Variants in DSG4 observed in about 807,000 individuals in gnomAD.
DSG4 encodes desmoglein 4.
Under a neutral mutation model 93.1 loss-of-function variants are expected in DSG4, and 87 were observed. The observed-to-expected ratio is 0.93, with a 90% CI of 0.79 to 1.12. DSG4 has a LOEUF of 1.12. Among genes scored for constraint, DSG4 ranks in the 50% most tolerant of loss-of-function variants. DSG4 has a pLI of 0.00. For synonymous variants in DSG4, 432 were observed against 452.9 expected (o/e 0.95, Z 0.59); for missense variants, 1,373 against 1,285.7 (o/e 1.07, Z -1.04).
intron 8 of DSG4, among the ~76,000 whole-genome samples, chr18:31,396,111 C>A (rs866114644): frequency 6.6e-6 from 1 of 151,300 alleles, no homozygotes; most frequent in Non-Finnish European, 1.5e-5. Flanking sequence ...AAAACGCAAG[C>A]AATAAAAAAG....
Position 31,413,593 on chromosome 18 carries a change from TA to T in DSG4, c.3123del (p.Ter1041=). On this transcript the variant is annotated frameshift_variant and stop_lost, in exon 16 of 16. Coordinates refer to ENST00000308128, the MANE Select transcript of DSG4 (RefSeq NM_177986.5). LOFTEE classifies it high-confidence loss of function. ...CAGTAACATACATTACACCCAACAG[TA>T]AGTGCTTTATGGTCAGTATTCTATG... ...RYSNIHYTQQ[*>X] 8 of 1,613,070 alleles carry T rather than the reference TA, an allele frequency of 5.0e-6. No homozygotes were observed. Among genetic ancestry groups the T allele is most frequent in the Non-Finnish European group, 6.8e-6 (8 of 1,179,996 alleles).
At chr18:31,403,305 C>CCAA in intron 10 of DSG4, 111 bp from the exon 11 acceptor site, 1 of 932,480 alleles carries the variant, frequency 1.1e-6, no homozygotes, top group Non-Finnish European at 1.7e-6. Context: ...GTCAAGCCTC[C>CCAA]CAAGTCACGT....
At chr18:31,396,828 C>T (rs1568066741) in intron 8 of DSG4, among the ~76,000 whole-genome samples, 1 of 152,212 alleles carries the variant, frequency 6.6e-6, no homozygotes, top group South Asian at 2.1e-4. Flanking sequence ...CCAGTAAAAC[C>T]GATTTTAGGA....
intron 1 of DSG4, chr18:31,382,242 T>A (rs2072143347): frequency 6.6e-6 from 1 of 152,238 alleles, no homozygotes; most frequent in Non-Finnish European, 1.5e-5. Flanking sequence ...GTGTGTCTTT[T>A]ACTCGGGGCC....
intron 14 of DSG4, among the ~76,000 whole-genome samples, chr18:31,410,892 G>A (rs2072479996): frequency 6.6e-6 from 1 of 152,196 alleles, no homozygotes; most frequent in Admixed American, 6.5e-5. Context: ...TTGCTTTGGA[G>A]GGCTCCCGGC....
chr18:31,414,151 A>G lies in DSG4; in HGVS notation c.*556A>G, dbSNP rs1339559392. 1.3e-5 allele frequency: 2 copies of G among 152,352 alleles called. No individual in the cohort carries two copies. The highest frequency in any genetic ancestry group is 6.5e-5 in the Admixed American group (1 of 15,300). 9.4% of individuals were successfully genotyped at this position (152,352 alleles called of 1,614,324 possible). ...TTTCAATATTATGCGCTATTAAGCA[A>G]TAGGAGATGCTTAATATAATAAGAA... On this transcript the variant is annotated 3_prime_UTR_variant, in exon 16 of 16. Transcript: ENST00000308128.
intron 11 of DSG4, among the ~76,000 whole-genome samples, chr18:31,404,352 C>G (rs1282567434): frequency 6.6e-6 from 1 of 152,106 alleles, no homozygotes; most frequent in Non-Finnish European, 1.5e-5. Context: ...TGGCTGACAT[C>G]GATAAAAATT....
At chr18:31,382,282 T>C (rs902226054) in intron 1 of DSG4, 4 of 152,226 alleles carry the variant, frequency 2.6e-5, no homozygotes, top group African/African-American at 9.6e-5. Context: ...TGGATGATGC[T>C]TGGCCCACAT....
At chr18:31,380,503 G>C (rs2072122215) in intron 1 of DSG4, among the ~76,000 whole-genome samples, 1 of 152,170 alleles carries the variant, frequency 6.6e-6, no homozygotes, top group South Asian at 2.1e-4. Context: ...GAAACCTTCA[G>C]ACATAACTTG....
In DSG4 at chr18:31,399,347, G is replaced by A. The variant is rs372942507; in HGVS notation, c.1081G>A (p.Val361Ile). ...VKNQADFHYS[V>I]ASQFQMHPTP... ...AAACCAAGCTGATTTTCACTACTCC[G>A]TTGCTTCTCAATTCCAAATGCACCC... is the stretch of plus-strand genomic sequence containing the variant. Residue 361 changes from valine to isoleucine, a missense_variant, in exon 9 of 16, where the codon GTT becomes ATT. Val to Ile is a conservative substitution (Grantham distance 29). Coordinates refer to ENST00000308128, the MANE Select transcript of DSG4 (RefSeq NM_177986.5). 2.2e-5 allele frequency: 35 copies of A among 1,613,904 alleles called. No homozygotes were observed. Among genetic ancestry groups the A allele is most frequent in the South Asian group, 1.2e-4 (11 of 91,086 alleles).
At chr18:31,378,765 A>T (rs1174214933) in intron 1 of DSG4, among the ~76,000 whole-genome samples, 3 of 152,214 alleles carry the variant, frequency 2.0e-5, no homozygotes, top group African/African-American at 7.2e-5. Flanking sequence ...TGGGAGGTAG[A>T]GACTTCTGGC....
chr18:31,397,920 G>A (rs1314523585), intron 8 of DSG4, among the ~76,000 whole-genome samples: 1 of 151,208 alleles, frequency 6.6e-6, no homozygotes, highest in Non-Finnish European at 1.5e-5. Context: ...CCAGCTACTT[G>A]GGAGGCTGAG....
chr18:31,386,726 GCAAA>G lies in DSG4; in HGVS notation c.126_129del (p.Thr43SerfsTer40), dbSNP rs2144169578. ...ACATTGAAAATGGCACTACAAAATG[GCAAA>G]CAGTCAGAAGACAAAAGCGGGAGTG... On this transcript the variant is annotated frameshift_variant, in exon 3 of 16. Coordinates refer to ENST00000308128, the MANE Select transcript of DSG4 (RefSeq NM_177986.5). LOFTEE classifies it high-confidence loss of function. The G allele has an allele frequency of 1.9e-6, 3 of 1,613,338 alleles. 1 individual carries two copies. Among genetic ancestry groups the G allele is most frequent in the Non-Finnish European group, 8.5e-7 (1 of 1,179,462 alleles).
At chr18:31,377,069 A>T in intron 1 of DSG4, 110 bp downstream of exon 1, 1 of 1,208,976 alleles carries the variant, frequency 8.3e-7, no homozygotes, top group East Asian at 2.5e-5. Context: ...TCCTTCCTGC[A>T]AAGAGAGTTC....
intron 1 of DSG4, among the ~76,000 whole-genome samples, chr18:31,384,675 C>T (rs1033561604): frequency 1.3e-5 from 2 of 152,162 alleles, no homozygotes; most frequent in Non-Finnish European, 2.9e-5. Flanking sequence ...TCATACGTTC[C>T]CTTACCTTCC....
chr18:31,402,232 T>C (rs2072375873), intron 10 of DSG4, among the ~76,000 whole-genome samples: 1 of 152,184 alleles, frequency 6.6e-6, no homozygotes, highest in African/African-American at 2.4e-5. Context: ...ATCTGAATGG[T>C]TGGAATAAGT....
chr18:31,388,665 G>A, intron 4 of DSG4, 143 bp downstream of exon 4: 1 of 1,333,794 alleles, frequency 7.5e-7, no homozygotes, highest in Non-Finnish European at 1.0e-6. Flanking sequence ...TGGAAAGAGT[G>A]TGAAAATAAA....
At chr18:31,391,477 G>A (rs1052263583) in intron 7 of DSG4, among the ~76,000 whole-genome samples, 9 of 152,102 alleles carry the variant, frequency 5.9e-5, no homozygotes, top group African/African-American at 1.9e-4. Context: ...CAGAAACACA[G>A]AAATCTGTTG....
intron 8 of DSG4, 118 bp from the exon 9 acceptor site, chr18:31,399,154 C>T (rs1216026002): frequency 3.0e-6 from 4 of 1,352,600 alleles, no homozygotes; most frequent in Non-Finnish European, 4.1e-6. Flanking sequence ...AATTCAAAAT[C>T]TAAACAGCGT....
Sources: gnomAD v4.1 joint callset for allele counts (sites outside exome capture counted in the v4.1 genomes callset) on GRCh38, gnomAD v4.1.1 for gene constraint, MANE v1.5 for transcripts, NCBI Gene and HGNC (gene_info 2026-07-23, HGNC 2026-07-21) for gene names.